Variants in HDAC4 observed in about 807,000 individuals in gnomAD.
HDAC4 encodes the protein histone deacetylase 4.
HDAC4 carries 16 observed loss-of-function variants against 135.1 expected under a neutral mutation model. The ratio of observed to expected loss-of-function variants is 0.12; its 90% CI spans 0.08 to 0.18. HDAC4 has a LOEUF of 0.18. Among genes scored for constraint, HDAC4 ranks in the 10% least tolerant of loss-of-function variants. The pLI is 1.00. For synonymous variants in HDAC4, 685 were observed against 653.4 expected, an observed-to-expected ratio of 1.05 and a Z score of -0.74; for missense variants, 1,143 against 1,511.8, an observed-to-expected ratio of 0.76 and a Z score of 4.05.
rs1009376393 is a variant in HDAC4 at position 239,307,143 on chromosome 2, G to A, written c.22+45535C>T. On this transcript the variant is annotated intron_variant, in intron 2 of 26. Transcript: ENST00000543185. This position sits in a 1 kb window ranked among gnomAD's most constrained non-coding sequence, Gnocchi z 4.8. ...GCTCTGTGCCTGCCGTCCATCCTGG[G>A]TGCCCACGAGGGGTCTGGAAACCCT... Among the ~76,000 whole-genome samples the A allele has an allele frequency of 6.6e-6, 1 of 152,090 alleles. No homozygotes were observed. The highest frequency in any genetic ancestry group is 1.5e-5 in the Non-Finnish European group (1 of 68,008).
intron 2 of HDAC4, among the ~76,000 whole-genome samples, chr2:239,249,212 G>A (rs1168281683): frequency 1.3e-5 from 2 of 152,164 alleles, no homozygotes; most frequent in African/African-American, 2.4e-5. Context: ...CAAGCCTGGG[G>A]GTTCCCACGG....
chr2:239,379,255 C>G (rs1454642416), intron 1 of HDAC4, among the ~76,000 whole-genome samples: 1 of 152,126 alleles, frequency 6.6e-6, no homozygotes, highest in African/African-American at 2.4e-5. Flanking sequence ...GCCAGGTGAC[C>G]AACCCAGGAA....
chr2:239,400,034 T>C lies in HDAC4; in HGVS notation c.-220+944A>G, dbSNP rs1438002940. ...CGCACGGTCTCCTCCTATAACAGTG[T>C]CAAATAATTCAACGCTCAATGTAAA... is the stretch of plus-strand genomic sequence containing the variant. On this transcript the variant is annotated intron_variant, in intron 1 of 26. Coordinates refer to ENST00000543185, the MANE Select transcript of HDAC4 (RefSeq NM_001378414.1). This position sits in a 1 kb window ranked among gnomAD's most constrained non-coding sequence, Gnocchi z 4.7. Among the ~76,000 whole-genome samples the C allele has an allele frequency of 6.6e-6, 1 of 152,118 alleles. No homozygotes were observed. The highest frequency in any genetic ancestry group is 1.9e-4 in the East Asian group (1 of 5,174).
rs372542072 is a variant in HDAC4, at chr2:239,234,979, C to G, written c.94+1614G>C. On this transcript the variant is annotated intron_variant, in intron 3 of 26. Coordinates refer to ENST00000543185, the MANE Select transcript of HDAC4 (RefSeq NM_001378414.1). ...CCAGCCACAGAATTCAGTGTTTACACGAAAACAACACCGGCAAAGTGAACT... is the reference window on the plus strand; with the variant it reads ...CCAGCCACAGAATTCAGTGTTTACAGGAAAACAACACCGGCAAAGTGAACT... 3.3e-5 allele frequency among the ~76,000 whole-genome samples: 5 copies of G among 152,096 alleles called. No homozygotes were observed. The East Asian group carries it at 5.8e-4, about 18-fold the overall frequency.
chr2:239,372,516 C>T (rs1479420399), intron 1 of HDAC4, among the ~76,000 whole-genome samples: 3 of 152,372 alleles, frequency 2.0e-5, no homozygotes, highest in African/African-American at 7.2e-5. Flanking sequence ...AGACAGGCTT[C>T]GCTTCTGTGA....
intron 3 of HDAC4, among the ~76,000 whole-genome samples, chr2:239,231,963 C>G (rs1320791281): frequency 7.7e-6 from 1 of 129,116 alleles, no homozygotes; most frequent in African/African-American, 2.8e-5. Context: ...AGCACCTGCT[C>G]CCGGATGCCT....
intron 3 of HDAC4, among the ~76,000 whole-genome samples, chr2:239,199,627 G>A (rs1358105429): frequency 1.3e-5 from 2 of 152,136 alleles, no homozygotes; most frequent in South Asian, 2.1e-4. Context: ...TGTCCTTGAC[G>A]AGCAGGAGCC....
intron 3 of HDAC4, among the ~76,000 whole-genome samples, chr2:239,193,068 G>C (rs1284522126): frequency 2.0e-5 from 3 of 152,212 alleles, no homozygotes; most frequent in African/African-American, 7.2e-5. Context: ...GCACAGCGTT[G>C]CATCTTGGAA....
intron 2 of HDAC4, among the ~76,000 whole-genome samples, chr2:239,264,532 G>A (rs1374271304): frequency 3.9e-5 from 6 of 152,232 alleles, no homozygotes; most frequent in Non-Finnish European, 8.8e-5. Context: ...AACCACATGC[G>A]ACCAGAGGGA....
intron 7 of HDAC4, among the ~76,000 whole-genome samples, chr2:239,153,533 G>A (rs746762139): frequency 3.3e-5 from 5 of 152,166 alleles, no homozygotes; most frequent in Non-Finnish European, 7.3e-5. Context: ...TACAGGGTGT[G>A]TAACTACACA....
At chr2:239,111,912 G>A (rs954751376) in intron 13 of HDAC4, among the ~76,000 whole-genome samples, 200 bp from the exon 14 acceptor site, 2 of 152,226 alleles carry the variant, frequency 1.3e-5, no homozygotes, top group Non-Finnish European at 2.9e-5. Context: ...AGCCAAGAAC[G>A]AGGCCAGCAC....
chr2:239,375,554 T>C (rs538217475), intron 1 of HDAC4, among the ~76,000 whole-genome samples: 1 of 152,248 alleles, frequency 6.6e-6, no homozygotes, highest in East Asian at 1.9e-4. Context: ...CCTCACAGCG[T>C]CCACAGGATG....
At chr2:239,355,635 C>A (rs1315895524) in intron 1 of HDAC4, among the ~76,000 whole-genome samples, 3 of 152,162 alleles carry the variant, frequency 2.0e-5, no homozygotes, top group Non-Finnish European at 4.4e-5. Context: ...TATTCTTCTG[C>A]ACTTCAGGGT....
chr2:239,220,269 C>A (rs1167067047), intron 3 of HDAC4, among the ~76,000 whole-genome samples: 1 of 152,180 alleles, frequency 6.6e-6, no homozygotes, highest in Non-Finnish European at 1.5e-5. Flanking sequence ...GTAATGAACA[C>A]ATCACATATC....
chr2:239,367,175 T>C (rs773949191), intron 1 of HDAC4, among the ~76,000 whole-genome samples: 4 of 152,096 alleles, frequency 2.6e-5, no homozygotes, highest in Non-Finnish European at 4.4e-5. Context: ...ACAAGAGGTG[T>C]GTGAAGTCAA....
intron 2 of HDAC4, among the ~76,000 whole-genome samples, chr2:239,342,895 G>T (rs1692381353): frequency 6.6e-6 from 1 of 152,186 alleles, no homozygotes; most frequent in South Asian, 2.1e-4. Flanking sequence ...GCTCCCAAAG[G>T]CCTGGCTATG....
At position 239,139,717 on chromosome 2, in the gene HDAC4, A is replaced by G; in HGVS notation, c.945T>C (p.Gly315=). The G allele has an allele frequency of 1.2e-6, 2 of 1,614,052 alleles. No individual in the cohort carries two copies. ...GGATGCTGGGGACGGCGGGCGCGATACCGTTCTCCGCGCTGACGCTCCCGG... is the reference window on the plus strand; with the variant it reads ...GGATGCTGGGGACGGCGGGCGCGATGCCGTTCTCCGCGCTGACGCTCCCGG... ...NSSGSVSAEN[G]IAPAVPSIPA... The change falls in exon 9 of 27, where the codon GGT becomes GGC. Residue 315 remains glycine, a synonymous_variant. Coordinates refer to ENST00000543185, the MANE Select transcript of HDAC4 (RefSeq NM_001378414.1). This position sits in a 1 kb window ranked among gnomAD's most constrained non-coding sequence, Gnocchi z 5.3.
At chr2:239,377,902 C>T (rs996010462) in intron 1 of HDAC4, among the ~76,000 whole-genome samples, 5 of 152,128 alleles carry the variant, frequency 3.3e-5, no homozygotes, top group East Asian at 3.9e-4. Context: ...ACAGGGGGAG[C>T]GCCCCACCTG....
chr2:239,336,191 A>G (rs1691925491), intron 2 of HDAC4, among the ~76,000 whole-genome samples: 1 of 152,202 alleles, frequency 6.6e-6, no homozygotes, highest in Admixed American at 6.5e-5. Flanking sequence ...AAGCTAGAGA[A>G]GTGGTATCTA....
Sources: allele counts gnomAD v4.1 joint callset (sites outside exome capture counted in the v4.1 genomes callset), GRCh38; gene constraint gnomAD v4.1.1; non-coding constraint Gnocchi (gnomAD v3.1); transcripts MANE v1.5; gene names NCBI Gene and HGNC (gene_info 2026-07-23, HGNC 2026-07-21).